Variants in DNMBP observed in about 807,000 individuals in gnomAD.
DNMBP encodes dynamin binding protein.
A neutral mutation model predicts 150.0 loss-of-function variants in DNMBP; 87 were observed. The observed-to-expected ratio is 0.58, with a 90% CI of 0.49 to 0.69. The LOEUF (loss-of-function observed/expected upper bound fraction) is 0.69. DNMBP is among the 30% of genes least tolerant of loss of function. The pLI, the probability that DNMBP is intolerant of heterozygous loss-of-function variation, is 0.00. For synonymous variants in DNMBP, 711 were observed against 750.4 expected (o/e 0.95, Z 0.86); for missense variants, 1,774 against 1,949.0 (o/e 0.91, Z 1.69).
Position 99,908,010 on chromosome 10 carries a change from T to C in DNMBP, c.2539A>G (p.Ile847Val). ...VSKQLLAALEISDAVGPVFLG... is the reference protein window; with the variant it reads ...VSKQLLAALEVSDAVGPVFLG... ...GAGCTCATACCTACAGCATCGCTGA[T>C]TTCCAGAGCAGCCAATAATTGCTTC... Residue 847 changes from isoleucine (I) to valine (V), a missense_variant, in exon 6 of 17, where the codon ATC becomes GTC. By Grantham distance (29) the Ile-to-Val change is conservative (BLOSUM62 3). Around this residue, in one of 2 missense-constraint regions of DNMBP, gnomAD observed 1,430 missense variants for 1,492.5 expected, o/e 0.96. Transcript: ENST00000324109. The C allele has an allele frequency of 6.2e-7, 1 of 1,613,998 alleles. No individual in the cohort carries two copies. Among genetic ancestry groups the C allele is most frequent in the Non-Finnish European group, 8.5e-7 (1 of 1,179,874 alleles).
chr10:99,994,772 T>A (rs2040933576), intron 1 of DNMBP, among the ~76,000 whole-genome samples: 6 of 152,216 alleles, frequency 3.9e-5, no homozygotes, highest in Admixed American at 3.9e-4. Flanking sequence ...AACATTGGCA[T>A]TACTGTTAAA....
At chr10:99,962,544 C>G (rs1391946075) in intron 3 of DNMBP, among the ~76,000 whole-genome samples, 2 of 151,950 alleles carry the variant, frequency 1.3e-5, no homozygotes, top group Non-Finnish European at 2.9e-5. Flanking sequence ...GGCAGGAGAA[C>G]GGTGTGAACC....
At chr10:99,931,742 A>G (rs1430966755) in intron 4 of DNMBP, among the ~76,000 whole-genome samples, 2 of 152,372 alleles carry the variant, frequency 1.3e-5, no homozygotes, top group Non-Finnish European at 2.9e-5. Context: ...ACAGAAAAAG[A>G]CAAACAAATT....
intron 14 of DNMBP, among the ~76,000 whole-genome samples, chr10:99,885,193 T>C (rs2039437650): frequency 6.6e-6 from 1 of 151,928 alleles, no homozygotes; most frequent in South Asian, 2.1e-4. Context: ...ACCAATGAAT[T>C]AATACTGGGT....
At chr10:99,989,534 A>C (rs2040864466) in intron 1 of DNMBP, among the ~76,000 whole-genome samples, 1 of 152,190 alleles carries the variant, frequency 6.6e-6, no homozygotes, top group Non-Finnish European at 1.5e-5. Context: ...AAGAAGGTGA[A>C]GCCCCATCTC....
chr10:99,935,259 C>G (rs2040216021), intron 4 of DNMBP, among the ~76,000 whole-genome samples: 1 of 152,036 alleles, frequency 6.6e-6, no homozygotes, highest in African/African-American at 2.4e-5. Flanking sequence ...AAATGAACAT[C>G]AAGTGCTTGC....
intron 3 of DNMBP, among the ~76,000 whole-genome samples, chr10:99,962,401 G>A (rs1015165995): frequency 6.6e-6 from 1 of 152,206 alleles, no homozygotes; most frequent in African/African-American, 2.4e-5. Context: ...GGACGCCGAG[G>A]CAGGGGGATC....
At chr10:99,989,061 T>G (rs2040858443) in intron 1 of DNMBP, among the ~76,000 whole-genome samples, 1 of 152,242 alleles carries the variant, frequency 6.6e-6, no homozygotes, top group African/African-American at 2.4e-5. Flanking sequence ...TAGACAGAAC[T>G]GCTATTCAAT....
intron 10 of DNMBP, 39 bp from the exon 11 acceptor site, chr10:99,895,089 C>A (rs1459849590): frequency 9.3e-6 from 11 of 1,177,614 alleles, no homozygotes; most frequent in Non-Finnish European, 1.4e-5. Flanking sequence ...CAAATCTGGA[C>A]ACTCCTTTAA....
At chr10:99,918,047 C>T (rs1210428338) in intron 4 of DNMBP, among the ~76,000 whole-genome samples, 2 of 150,940 alleles carry the variant, frequency 1.3e-5, no homozygotes, top group African/African-American at 4.9e-5. Flanking sequence ...AAAAACACAA[C>T]TGCCTGCCTA....
chr10:99,883,638 C>CCAAA (rs2039403857), intron 15 of DNMBP, among the ~76,000 whole-genome samples: 1 of 65,586 alleles, frequency 1.5e-5, no homozygotes, highest in Non-Finnish European at 2.9e-5. Context: ...AAGACTGCCA[C>CCAAA]AAAAAAAAAA....
At chr10:99,975,656 A>T (rs537513370) in intron 1 of DNMBP, among the ~76,000 whole-genome samples, 1 of 152,312 alleles carries the variant, frequency 6.6e-6, no homozygotes, top group South Asian at 2.1e-4. Flanking sequence ...ACCAAAAAAA[A>T]TCTAATTATA....
Position 99,876,409 on chromosome 10 carries a change from G to GGT in DNMBP, c.*741_*742insAC, listed in dbSNP as rs1643543391. 6.6e-6 allele frequency: 1 copy of GGT among 151,870 alleles called. No individual in the cohort carries two copies. The highest frequency in any genetic ancestry group is 2.4e-5 in the African/African-American group (1 of 41,316). The allele number at this position is 151,870 out of a possible 1,614,324, so 9.4% of individuals were successfully genotyped here. A position where few individuals can be genotyped will look rare whatever the true frequency, so the allele number is the denominator to read the frequency against. On this transcript the variant is annotated 3_prime_UTR_variant, in exon 17 of 17. Coordinates refer to ENST00000324109, the MANE Select transcript of DNMBP (RefSeq NM_015221.4). ...GACCCCATCTCAAAAAAAAAAGCGGGGGGGCAGTGATTGTACCTAACAAGG... is the reference window on the plus strand; with the variant it reads ...GACCCCATCTCAAAAAAAAAAGCGGGGTGGGGCAGTGATTGTACCTAACAAGG...
intron 14 of DNMBP, 71 bp downstream of exon 14, chr10:99,885,616 C>CTG: frequency 2.2e-6 from 3 of 1,366,348 alleles, no homozygotes; most frequent in Non-Finnish European, 3.0e-6. Flanking sequence ...GGATCTGGGC[C>CTG]TGGGGGCCTG....
rs117773341 is a variant in DNMBP, at chr10:99,959,015, G to A, written c.269-1810C>T. 2.9e-3 allele frequency among the ~76,000 whole-genome samples: 440 copies of A among 152,210 alleles called. 9 individuals are homozygous for A. In the East Asian group the frequency reaches 0.04, roughly 14 times the overall value. Reference sequence around the variant, plus strand: ...TCCCATTGCATATTTGTGTAAGGCTGGATTTTCTTCACATAATTCCATGAA... The same window carrying A: ...TCCCATTGCATATTTGTGTAAGGCTAGATTTTCTTCACATAATTCCATGAA... On this transcript the variant is annotated intron_variant, in intron 3 of 16. Coordinates refer to ENST00000324109, the MANE Select transcript of DNMBP (RefSeq NM_015221.4).
At chr10:100,002,922 T>C (rs562557642) in intron 1 of DNMBP, among the ~76,000 whole-genome samples, 14 of 152,200 alleles carry the variant, frequency 9.2e-5, no homozygotes, top group African/African-American at 2.9e-4. Flanking sequence ...TTATATGAAA[T>C]AGGAAATCTT....
intron 4 of DNMBP, among the ~76,000 whole-genome samples, chr10:99,936,148 T>G (rs1482537640): frequency 2.6e-5 from 4 of 152,228 alleles, no homozygotes; most frequent in African/African-American, 9.6e-5. Flanking sequence ...ATCAAGAGTT[T>G]GTTATAAAAC....
At chr10:99,930,527 C>T in intron 4 of DNMBP, 1 of 702,990 alleles carries the variant, frequency 1.4e-6, no homozygotes, top group East Asian at 2.7e-5. Flanking sequence ...CCCCACAGTC[C>T]ATATAGCTTG....
At chr10:99,968,254 C>G (rs2040639811) in intron 3 of DNMBP, among the ~76,000 whole-genome samples, 1 of 152,148 alleles carries the variant, frequency 6.6e-6, no homozygotes, top group African/African-American at 2.4e-5. Flanking sequence ...GCACCTATCT[C>G]TTAATTTCCA....
Sources: gnomAD v4.1 joint callset for allele counts (sites outside exome capture counted in the v4.1 genomes callset) on GRCh38, gnomAD v4.1.1 for gene constraint, gnomAD v4.1.1 regional missense constraint, MANE v1.5 for transcripts, NCBI Gene and HGNC (gene_info 2026-07-23, HGNC 2026-07-21) for gene names.